Variants in KIF27 observed in about 807,000 individuals in gnomAD.
KIF27 encodes kinesin-like protein KIF27.
In KIF27, 84 loss-of-function variants were observed where a neutral mutation model predicts 141.8. That is an observed-to-expected ratio of 0.59 (90% confidence interval 0.50 to 0.71). The LOEUF (loss-of-function observed/expected upper bound fraction) is 0.71. Among genes scored for constraint, KIF27 ranks in the 30% least tolerant of loss-of-function variants. The pLI is 0.00. For synonymous variants in KIF27, 471 were observed against 569.5 expected, an observed-to-expected ratio of 0.83 and a Z score of 2.46; for missense variants, 1,306 against 1,628.4, an observed-to-expected ratio of 0.80 and a Z score of 3.41.
intron 15 of KIF27, 81 bp from the exon 16 acceptor site, chr9:83,850,378 G>A (rs1948407296): frequency 2.4e-6 from 2 of 838,776 alleles, no homozygotes; most frequent in Admixed American, 2.6e-5. Flanking sequence ...GCTACTTCAA[G>A]ATGAACTTCC....
At chr9:83,851,533 A>G (rs2780145) in intron 15 of KIF27, among the ~76,000 whole-genome samples, 4 of 152,016 alleles carry the variant, frequency 2.6e-5, no homozygotes, top group Admixed American at 1.3e-4. Flanking sequence ...TTTAAAAAAT[A>G]TTTTCGTAGA....
rs747506325 is a variant in KIF27 at position 83,859,222 on chromosome 9, A to T, written c.3084T>A (p.Asp1028Glu). The change falls in exon 14 of 18, where the codon GAT (aspartate) becomes GAA (glutamate). Residue 1028 changes from aspartate (D) to glutamate (E), a missense_variant. Coordinates refer to ENST00000297814, the MANE Select transcript of KIF27 (RefSeq NM_017576.4). ...EQVEVLQKEK[D>E]QLQKRRHNVD... ...CATTGTGTCTGCGTTTCTGGAGCTG[A>T]TCCTTTTCTTTCTGGAGGACTTCAA... The T allele has an allele frequency of 1.2e-6, 2 of 1,614,162 alleles. No individual in the cohort carries two copies. Among genetic ancestry groups the T allele is most frequent in the Non-Finnish European group, 1.7e-6 (2 of 1,180,012 alleles).
intron 4 of KIF27, among the ~76,000 whole-genome samples, chr9:83,900,744 C>T (rs62563547): frequency 2.1e-3 from 314 of 151,796 alleles, no homozygotes; most frequent in Non-Finnish European, 3.4e-3. Flanking sequence ...TATATATATA[C>T]GTGTATATAT....
intron 17 of KIF27, 60 bp downstream of exon 17, chr9:83,842,177 G>A (rs1455666646): frequency 2.1e-6 from 3 of 1,433,542 alleles, no homozygotes; most frequent in Admixed American, 5.4e-5. Context: ...TACAAAGCTG[G>A]CATGACTTCA....
In KIF27 at chr9:83,880,389, G is replaced by C. The variant is rs1477720009; in HGVS notation, c.2551C>G (p.Gln851Glu). Reference protein sequence around the residue: ...LEQSVDHMKYQKIQLQRKLRE... With the variant: ...LEQSVDHMKYEKIQLQRKLRE... Reference sequence around the variant, plus strand: ...AGTTTTCTTTGTAGCTGTATCTTTTGATATTTCATGTGATCTACACTCTGC... The same window carrying C: ...AGTTTTCTTTGTAGCTGTATCTTTTCATATTTCATGTGATCTACACTCTGC... The change falls in exon 11 of 18, where the codon CAA becomes GAA. Residue 851 changes from glutamine (Q) to glutamate (E), a missense_variant. This residue lies in a region of KIF27 where 596 missense variants were observed against 751.6 expected (regional missense o/e 0.79). Coordinates refer to ENST00000297814, the MANE Select transcript of KIF27 (RefSeq NM_017576.4). 1.9e-5 allele frequency: 30 copies of C among 1,612,394 alleles called. No individual in the cohort carries two copies. The highest frequency in any genetic ancestry group is 2.3e-5 in the Non-Finnish European group (27 of 1,179,508).
rs193276058 is a variant in KIF27, at chr9:83,836,655, T to C, written c.*346A>G. On this transcript the variant is annotated 3_prime_UTR_variant, in exon 18 of 18. Transcript: ENST00000297814. ...ATAGTTATATTGTAACATACTTTTATGATGTACATTTATATTATATAATAA... is the reference window on the plus strand; with the variant it reads ...ATAGTTATATTGTAACATACTTTTACGATGTACATTTATATTATATAATAA... The C allele has an allele frequency of 8.2e-5, 14 of 169,736 alleles. No individual in the cohort carries two copies. The highest frequency in any genetic ancestry group is 1.7e-4 in the East Asian group (1 of 5,902). The allele number at this position is 169,736 out of a possible 1,614,324, so 10.5% of individuals were successfully genotyped here. A position where few individuals can be genotyped will look rare whatever the true frequency, so the allele number is the denominator to read the frequency against.
intron 1 of KIF27, among the ~76,000 whole-genome samples, chr9:83,919,665 C>T (rs1457922341): frequency 1.3e-5 from 2 of 150,926 alleles, no homozygotes; most frequent in Non-Finnish European, 2.9e-5. Context: ...GAGGCCAGGG[C>T]GGGTGGATCA....
At chr9:83,914,899 A>G (rs1348849104) in intron 2 of KIF27, among the ~76,000 whole-genome samples, 3 of 152,246 alleles carry the variant, frequency 2.0e-5, no homozygotes, top group African/African-American at 7.2e-5. Flanking sequence ...AAGAAAAGAT[A>G]CTTTACATAA....
intron 4 of KIF27, among the ~76,000 whole-genome samples, chr9:83,900,624 CT>C (rs1432448141): frequency 6.6e-6 from 1 of 151,196 alleles, no homozygotes; most frequent in African/African-American, 2.4e-5. Context: ...AAAAAAGATA[CT>C]TGCACACGCA....
intron 13 of KIF27, among the ~76,000 whole-genome samples, chr9:83,866,532 A>G: frequency 6.6e-6 from 1 of 151,970 alleles, no homozygotes; most frequent in Non-Finnish European, 1.5e-5. Context: ...CAAAAAACAT[A>G]ATAGCTTTAA....
intron 16 of KIF27, among the ~76,000 whole-genome samples, chr9:83,846,526 C>G (rs1335946668): frequency 6.6e-6 from 1 of 152,152 alleles, no homozygotes; most frequent in Non-Finnish European, 1.5e-5. Flanking sequence ...TTTGAAGTCA[C>G]AATTACAATG....
At chr9:83,856,610 A>G (rs295275) in intron 14 of KIF27, among the ~76,000 whole-genome samples, 103,199 of 151,684 alleles carry the variant, frequency 0.68, 35,998 homozygotes, top group African/African-American at 0.82. Flanking sequence ...GCATGATGGC[A>G]CTTGCCTGCA....
intron 12 of KIF27, 61 bp from the exon 13 acceptor site, chr9:83,867,921 A>G (rs1162441567): frequency 4.1e-6 from 6 of 1,448,154 alleles, no homozygotes; most frequent in Non-Finnish European, 5.5e-6. Flanking sequence ...ATTATATGGT[A>G]ATAATAGAAT....
At chr9:83,856,862 G>A (rs1241732951) in intron 14 of KIF27, among the ~76,000 whole-genome samples, 3 of 143,536 alleles carry the variant, frequency 2.1e-5, no homozygotes, top group Admixed American at 7.2e-5. Context: ...AGCCGAGATC[G>A]CACCACTGCA....
intron 14 of KIF27, among the ~76,000 whole-genome samples, chr9:83,854,664 T>A (rs909098933): frequency 3.9e-5 from 6 of 152,188 alleles, no homozygotes; most frequent in African/African-American, 1.4e-4. Context: ...CCGTCCTGAG[T>A]AGCTGGGACT....
intron 16 of KIF27, among the ~76,000 whole-genome samples, chr9:83,846,960 C>A (rs1947360447): frequency 6.6e-6 from 1 of 152,134 alleles, no homozygotes; most frequent in Non-Finnish European, 1.5e-5. Context: ...TACTTCATAA[C>A]AGAGGTAAGG....
chr9:83,913,723 C>T (rs1168761129), intron 2 of KIF27, among the ~76,000 whole-genome samples: 2 of 152,196 alleles, frequency 1.3e-5, no homozygotes, highest in Admixed American at 1.3e-4. Context: ...AGGCGTGAGC[C>T]ACCACGCCTG....
At chr9:83,909,224 G>T (rs1432716624) in intron 2 of KIF27, among the ~76,000 whole-genome samples, 1 of 152,172 alleles carries the variant, frequency 6.6e-6, no homozygotes, top group African/African-American at 2.4e-5. Context: ...GCAGGGTAGG[G>T]GGACTAGAAG....
rs1952804751 is a variant in KIF27, at chr9:83,892,801, TAAG to T, written c.1603-1303_1603-1301del. 2.6e-5 allele frequency among the ~76,000 whole-genome samples: 4 copies of T among 152,178 alleles called. No individual in the cohort carries two copies. In the South Asian group the frequency reaches 8.3e-4, roughly 31 times the overall value. On this transcript the variant is annotated intron_variant, in intron 5 of 17. Transcript: ENST00000297814. ...AAGCTTTAAGGCAAAACTCATTAGATAAGAAGAGGTAAAAATGATTAAAAGAGC... is the reference window on the plus strand; with the variant it reads ...AAGCTTTAAGGCAAAACTCATTAGATAAGAGGTAAAAATGATTAAAAGAGC...
Sources: allele counts gnomAD v4.1 joint callset (sites outside exome capture counted in the v4.1 genomes callset), GRCh38; gene constraint gnomAD v4.1.1; regional missense constraint gnomAD v4.1.1; transcripts MANE v1.5; gene names NCBI Gene and HGNC (gene_info 2026-07-23, HGNC 2026-07-21).